The following DENND6B variants were observed in gnomAD, a reference collection of about 807,000 sequenced individuals.
DENND6B encodes the protein protein DENND6B.
Under a neutral mutation model 85.1 loss-of-function variants are expected in DENND6B, and 73 were observed. The ratio of observed to expected loss-of-function variants is 0.86; its 90% CI spans 0.71 to 1.04. DENND6B has a LOEUF of 1.04. Among genes scored for constraint, DENND6B ranks in the 50% least tolerant of loss-of-function variants. DENND6B has a pLI of 0.00. For synonymous variants in DENND6B, 357 were observed against 329.3 expected (o/e 1.08, Z -0.91); for missense variants, 715 against 785.8 (o/e 0.91, Z 1.08).
At chr22:50,317,551 G>A (rs1221598428) in intron 4 of DENND6B, among the ~76,000 whole-genome samples, 178 bp from the exon 5 acceptor site, 1 of 152,114 alleles carries the variant, frequency 6.6e-6, no homozygotes, top group Non-Finnish European at 1.5e-5. Context: ...AGGAGGTCCT[G>A]GGCTCAGAAG....
chr22:50,319,570 G>A (rs368363104), intron 1 of DENND6B: 11 of 960,060 alleles, frequency 1.1e-5, no homozygotes, highest in African/African-American at 1.1e-4. Context: ...CACCTGGCCG[G>A]CCCTCCATCT....
Position 50,312,257 on chromosome 22 carries a change from C to G in DENND6B, c.1640G>C (p.Arg547Pro), listed in dbSNP as rs537118220. The G allele has an allele frequency of 5.0e-6, 8 of 1,611,808 alleles. No homozygotes were observed. The African/African-American group carries it at 6.7e-5, about 13-fold the overall frequency. Residue 547 changes from arginine to proline, a missense_variant, in exon 20 of 20, where the codon CGG (arginine) becomes CCG (proline). Coordinates refer to ENST00000413817, the MANE Select transcript of DENND6B (RefSeq NM_001001794.4). ...LVLKLREKLV[R>P]AQGHQLPVKE... Reference sequence around the variant, plus strand: ...CACAGGGAGCTGGTGGCCCTGAGCCCGCACCTGGAGGGGCAGCCATGGTCA... The same window carrying G: ...CACAGGGAGCTGGTGGCCCTGAGCCGGCACCTGGAGGGGCAGCCATGGTCA...
chr22:50,323,728 T>TTC (rs2042119744), intron 1 of DENND6B, among the ~76,000 whole-genome samples: 1 of 149,160 alleles, frequency 6.7e-6, no homozygotes, highest in South Asian at 2.1e-4. Flanking sequence ...AGCCTTTTTT[T>TTC]TTTTTTTTTT....
In DENND6B at chr22:50,313,829, G is replaced by C. The variant is rs115446109; in HGVS notation, c.1188C>G (p.Leu396=). 18 of 1,612,142 alleles carry C rather than the reference G, an allele frequency of 1.1e-5. No individual in the cohort carries two copies. In the East Asian group the frequency reaches 3.6e-4, roughly 32 times the overall value. Residue 396 remains leucine, a synonymous_variant, in exon 14 of 20, where the codon CTC becomes CTG. Coordinates refer to ENST00000413817, the MANE Select transcript of DENND6B (RefSeq NM_001001794.4). ...TAHLHRDKAL[L]KRLLKGVQKK... Reference sequence around the variant, plus strand: ...AACCATATACCTTGAGCAGCCGTTTGAGCAGCGCCTTGTCGCGGTGGAGGT... The same window carrying C: ...AACCATATACCTTGAGCAGCCGTTTCAGCAGCGCCTTGTCGCGGTGGAGGT...
At chr22:50,313,528 CG>C in intron 15 of DENND6B, 29 bp from the exon 16 acceptor site, 3 of 1,539,556 alleles carry the variant, frequency 1.9e-6, no homozygotes, top group South Asian at 1.2e-5. Context: ...GGAGTGAGCC[CG>C]GGGACCCATG....
At chr22:50,325,425 C>T (rs1188212738) in intron 1 of DENND6B, among the ~76,000 whole-genome samples, 1 of 151,604 alleles carries the variant, frequency 6.6e-6, no homozygotes, top group Non-Finnish European at 1.5e-5. Context: ...GCAACCTCCC[C>T]CTCCCGGGTT....
In DENND6B at chr22:50,316,384, G is replaced by T; in HGVS notation, c.545C>A (p.Pro182His). ...IAPEYFDKLAPCLEAVCSEID... is the reference protein window; with the variant it reads ...IAPEYFDKLAHCLEAVCSEID... The stretch of plus-strand genomic sequence containing the variant: ...TGGCCACTCACCTGCTTCCAGGCAG[G>T]GCGCCAGCTTGTCAAAGTACTCGGG... The change falls in exon 6 of 20, where the codon CCC (proline) becomes CAC (histidine). Residue 182 changes from proline to histidine, a missense_variant. Pro to His is a moderately conservative substitution (Grantham distance 77). Transcript: ENST00000413817. The T allele has an allele frequency of 6.3e-7, 1 of 1,578,586 alleles. No homozygotes were observed. The highest frequency in any genetic ancestry group is 1.8e-5 in the Admixed American group (1 of 54,294).
chr22:50,320,964 A>G lies in DENND6B; in HGVS notation c.178-1961T>C, dbSNP rs1348088942. Among the ~76,000 whole-genome samples the G allele has an allele frequency of 2.6e-5, 4 of 152,156 alleles. No homozygotes were observed. In the East Asian group the frequency reaches 7.7e-4, roughly 29 times the overall value. On this transcript the variant is annotated intron_variant, in intron 1 of 19. Coordinates refer to ENST00000413817, the MANE Select transcript of DENND6B (RefSeq NM_001001794.4). ...TGAGTACAAAGCCAGGGGTCAGGCC[A>G]CCCAGGGTTGGCCACGCCAAGGTTA...
chr22:50,315,071 GTC>G, intron 9 of DENND6B, 150 bp from the exon 10 acceptor site: 1 of 1,171,204 alleles, frequency 8.5e-7, no homozygotes, highest in East Asian at 2.6e-5. Context: ...CTGAAGATGT[GTC>G]TCGGGTAATC....
chr22:50,326,843 G>A lies in DENND6B; in HGVS notation c.146C>T (p.Thr49Ile). 4 of 1,442,716 alleles carry A rather than the reference G, an allele frequency of 2.8e-6. No individual in the cohort carries two copies. The highest frequency in any genetic ancestry group is 3.6e-6 in the Non-Finnish European group (4 of 1,103,580). 89.4% of individuals were successfully genotyped at this position (1,442,716 alleles called of 1,614,324 possible). The change falls in exon 1 of 20, where the codon ACC becomes ATC. Residue 49 changes from threonine (T) to isoleucine (I), a missense_variant. Physicochemically the swap from Thr to Ile is moderately conservative, Grantham distance 89 (BLOSUM62 -1). Coordinates refer to ENST00000413817, the MANE Select transcript of DENND6B (RefSeq NM_001001794.4). ...SAWLECVCVV[T>I]FDLELGQALE... The stretch of plus-strand genomic sequence containing the variant: ...CGCCTGGCCCAGCTCCAGGTCGAAG[G>A]TGACCACGCACACACACTCCAGCCA...
chr22:50,315,934 A>G (rs35812349), intron 8 of DENND6B, 91 bp downstream of exon 8: 683,204 of 1,590,850 alleles, frequency 0.43, 150,173 homozygotes, highest in South Asian at 0.61. Context: ...GGGTGAACCA[A>G]GGAAGCAGGT....
intron 9 of DENND6B, 110 bp from the exon 10 acceptor site, chr22:50,315,031 C>A: frequency 6.9e-7 from 1 of 1,453,970 alleles, no homozygotes; most frequent in South Asian, 1.3e-5. Context: ...GTGAACACAG[C>A]ACGCTGCTCC....
Position 50,323,858 on chromosome 22 carries a change from G to C in DENND6B, c.177+2954C>G, listed in dbSNP as rs148509884. 6.6e-5 allele frequency among the ~76,000 whole-genome samples: 10 copies of C among 151,236 alleles called. No homozygotes were observed. In the East Asian group the frequency reaches 2.0e-3, roughly 30 times the overall value. ...AGCAATCCTCCAGCCTCAGCCTCCTGAGTAGCTATAACTACAGGTGCATGC... is the reference window on the plus strand; with the variant it reads ...AGCAATCCTCCAGCCTCAGCCTCCTCAGTAGCTATAACTACAGGTGCATGC... On this transcript the variant is annotated intron_variant, in intron 1 of 19. Transcript: ENST00000413817.
intron 1 of DENND6B, 25 bp downstream of exon 1, chr22:50,326,787 C>A (rs755112220): frequency 7.3e-7 from 1 of 1,364,744 alleles, no homozygotes. Context: ...CCCACCCGCC[C>A]GCGCCCGCGC....
intron 1 of DENND6B, among the ~76,000 whole-genome samples, chr22:50,324,153 C>T (rs1389007892): frequency 2.6e-5 from 4 of 152,118 alleles, no homozygotes; most frequent in Admixed American, 2.6e-4. Flanking sequence ...CTTGTCACCC[C>T]ACAGCCCTGC....
chr22:50,313,686 G>T lies in DENND6B; in HGVS notation c.1242C>A (p.Ala414=), dbSNP rs2147767455. ...QKKRPSDVQS[A]LLRRHLLELT... is the part of the protein sequence containing the mutation. Reference sequence around the variant, plus strand: ...GCTCCAGGAGGTGCCGCCGCAGCAGGGCGCTCTGCACATCTGACGGCCGCT... The same window carrying T: ...GCTCCAGGAGGTGCCGCCGCAGCAGTGCGCTCTGCACATCTGACGGCCGCT... The change falls in exon 15 of 20, where the codon GCC becomes GCA. Residue 414 remains alanine (A), a synonymous_variant. Coordinates refer to ENST00000413817, the MANE Select transcript of DENND6B (RefSeq NM_001001794.4). 1.2e-6 allele frequency: 2 copies of T among 1,600,996 alleles called. No individual in the cohort carries two copies. Among genetic ancestry groups the T allele is most frequent in the African/African-American group, 1.3e-5 (1 of 74,724 alleles).
In DENND6B at chr22:50,321,566, A is replaced by G. The variant is rs542656373; in HGVS notation, c.178-2563T>C. On this transcript the variant is annotated intron_variant, in intron 1 of 19. Transcript: ENST00000413817. ...TTTAGTAGAGACAGGGCTTCACCATATTGGCCAGGCTGGTCTCGAACTTCT... is the reference window on the plus strand; with the variant it reads ...TTTAGTAGAGACAGGGCTTCACCATGTTGGCCAGGCTGGTCTCGAACTTCT... 2.8e-4 allele frequency among the ~76,000 whole-genome samples: 42 copies of G among 151,824 alleles called. 1 individual carries two copies. The highest frequency in any genetic ancestry group is 1.2e-3 in the Admixed American group (18 of 15,222).
At chr22:50,326,562 C>T (rs1013993647) in intron 1 of DENND6B, among the ~76,000 whole-genome samples, 1 of 152,212 alleles carries the variant, frequency 6.6e-6, no homozygotes, top group Admixed American at 6.5e-5. Flanking sequence ...TGGGAAAAAT[C>T]GAAAGAGTAC....
Position 50,313,512 on chromosome 22 carries a change from G to T in DENND6B, c.1294-13C>A. 1 of 1,545,008 alleles carries T rather than the reference G, an allele frequency of 6.5e-7. No homozygotes were observed. Among genetic ancestry groups the T allele is most frequent in the South Asian group, 1.2e-5 (1 of 83,274 alleles). ...CCATGTAGTGCTCCTGGGTGGGGAA[G>T]GGAGGGGAGTGAGCCCGGGGACCCA... is the stretch of plus-strand genomic sequence containing the variant. On this transcript the variant is annotated splice_polypyrimidine_tract_variant and intron_variant, in intron 15 of 19. Transcript: ENST00000413817.
Sources: gnomAD v4.1 joint callset for allele counts (sites outside exome capture counted in the v4.1 genomes callset) on GRCh38, gnomAD v4.1.1 for gene constraint, MANE v1.5 for transcripts, NCBI Gene and HGNC (gene_info 2026-07-23, HGNC 2026-07-21) for gene names.